The following FREM1 variants were observed in gnomAD, a reference collection of about 807,000 sequenced individuals.
FREM1 encodes FRAS1 related extracellular matrix 1, also known as FRAS1-related extracellular matrix protein 1.
Under a neutral mutation model 210.1 loss-of-function variants are expected in FREM1, and 220 were observed. That is an observed-to-expected ratio of 1.05 (90% CI 0.94 to 1.17). The LOEUF is 1.17. FREM1 is among the 50% of genes most tolerant of loss of function. The pLI is 0.00. For synonymous variants in FREM1, 1,189 were observed against 980.2 expected (o/e 1.21, Z -3.98); for missense variants, 3,454 against 2,675.5 (o/e 1.29, Z -6.42).
chr9:14,903,352 A>G lies in FREM1; in HGVS notation c.-268+6562T>C, dbSNP rs373845262. ...ATGACTGATGAGGAAAGCAAAAGGCATGTGTCTATAATTTGAAATGGATGG... is the reference window on the plus strand; with the variant it reads ...ATGACTGATGAGGAAAGCAAAAGGCGTGTGTCTATAATTTGAAATGGATGG... On this transcript the variant is annotated intron_variant, in intron 1 of 36. Coordinates refer to ENST00000380880, the MANE Select transcript of FREM1 (RefSeq NM_001379081.2). 7.9e-5 allele frequency among the ~76,000 whole-genome samples: 12 copies of G among 152,362 alleles called. No individual in the cohort carries two copies. The East Asian group carries it at 1.2e-3, about 15-fold the overall frequency.
In FREM1 at chr9:14,860,796, TACAC is replaced by T. The variant is rs1156951021; in HGVS notation, c.330-1316_330-1313del. On this transcript the variant is annotated intron_variant, in intron 3 of 36. Coordinates refer to ENST00000380880, the MANE Select transcript of FREM1 (RefSeq NM_001379081.2). ...ACACATATATACATATATACATATA[TACAC>T]ATATATACATATATACACATATATA... Among the ~76,000 whole-genome samples, 13 of 127,016 alleles carry T rather than the reference TACAC, an allele frequency of 1.0e-4. No individual in the cohort carries two copies. In the East Asian group the frequency reaches 2.8e-3, roughly 27 times the overall value. 83.3% of individuals were successfully genotyped at this position (127,016 alleles called of 152,430 possible).
intron 15 of FREM1, among the ~76,000 whole-genome samples, chr9:14,814,446 C>G (rs556900383): frequency 9.9e-5 from 15 of 152,166 alleles, no homozygotes; most frequent in African/African-American, 3.6e-4. Context: ...GTATATGTGT[C>G]CTGACTACCT....
intron 1 of FREM1, among the ~76,000 whole-genome samples, chr9:14,898,296 T>C (rs1314070631): frequency 6.6e-6 from 1 of 152,226 alleles, no homozygotes; most frequent in Non-Finnish European, 1.5e-5. Flanking sequence ...TAAATCAAAG[T>C]TGCCAGCACA....
chr9:14,788,571 T>G (rs1850772475), intron 23 of FREM1, among the ~76,000 whole-genome samples: 1 of 152,238 alleles, frequency 6.6e-6, no homozygotes, highest in South Asian at 2.1e-4. Context: ...GATAGATCAC[T>G]TCCTGAAGAT....
chr9:14,766,354 G>T (rs1456176949), intron 27 of FREM1, among the ~76,000 whole-genome samples: 1 of 152,076 alleles, frequency 6.6e-6, no homozygotes, highest in Non-Finnish European at 1.5e-5. Context: ...TTGGTTCCCT[G>T]AGCTATTCTG....
chr9:14,858,742 T>C (rs1454324413), intron 4 of FREM1, among the ~76,000 whole-genome samples: 1 of 152,182 alleles, frequency 6.6e-6, no homozygotes, highest in Middle Eastern at 3.2e-3. Flanking sequence ...CTATCACTGC[T>C]ACCCACTAGC....
At chr9:14,894,791 T>C (rs1350635538) in intron 1 of FREM1, among the ~76,000 whole-genome samples, 6 of 152,254 alleles carry the variant, frequency 3.9e-5, no homozygotes, top group Admixed American at 3.9e-4. Context: ...TAGTTGTGAG[T>C]ATTCTTAACT....
At chr9:14,847,667 A>G (rs571052745) in intron 7 of FREM1, among the ~76,000 whole-genome samples, 6 of 152,322 alleles carry the variant, frequency 3.9e-5, no homozygotes, top group East Asian at 1.9e-4. Flanking sequence ...CCAAATTTCA[A>G]CGATGGCACA....
chr9:14,901,993 G>A (rs960388485), intron 1 of FREM1, among the ~76,000 whole-genome samples: 3 of 151,190 alleles, frequency 2.0e-5, no homozygotes, highest in African/African-American at 7.3e-5. Context: ...GGGACTACAG[G>A]CATCTGTCGC....
intron 24 of FREM1, among the ~76,000 whole-genome samples, chr9:14,776,862 C>T (rs187894773): frequency 5.3e-5 from 8 of 152,232 alleles, no homozygotes; most frequent in Admixed American, 3.3e-4. Flanking sequence ...TAAAATATGA[C>T]GGGAGGCTCT....
At chr9:14,783,106 CA>C (rs1442895109) in intron 24 of FREM1, among the ~76,000 whole-genome samples, 2 of 152,132 alleles carry the variant, frequency 1.3e-5, no homozygotes, top group South Asian at 2.1e-4. Context: ...GGACACTTAT[CA>C]AGAGAAAAAA....
intron 10 of FREM1, among the ~76,000 whole-genome samples, chr9:14,826,098 C>CTCTTTT (rs34939930): frequency 1.5e-5 from 2 of 135,536 alleles, no homozygotes; most frequent in African/African-American, 5.6e-5. Flanking sequence ...CTTTCTCAAC[C>CTCTTTT]TTTTTTTTTT....
rs112071417 is a variant in FREM1, at chr9:14,747,735, T to C, written c.5797-7A>G. 7 of 1,529,688 alleles carry C rather than the reference T, an allele frequency of 4.6e-6. No individual in the cohort carries two copies. Among genetic ancestry groups the C allele is most frequent in the East Asian group, 2.4e-5 (1 of 41,106 alleles). 94.8% of individuals were successfully genotyped at this position (1,529,688 alleles called of 1,614,324 possible). ...AAACAGAGGATGGACGAACCTGAAA[T>C]TGACAGAGAACAAAATATGAACAGA... is the stretch of plus-strand genomic sequence containing the variant. On this transcript the variant is annotated splice_region_variant and splice_polypyrimidine_tract_variant and intron_variant, in intron 31 of 36. Coordinates refer to ENST00000380880, the MANE Select transcript of FREM1 (RefSeq NM_001379081.2).
Position 14,789,100 on chromosome 9 carries a change from C to G in FREM1, c.3996G>C (p.Trp1332Cys). 1 of 1,589,346 alleles carries G rather than the reference C, an allele frequency of 6.3e-7. No individual in the cohort carries two copies. The highest frequency in any genetic ancestry group is 8.6e-7 in the Non-Finnish European group (1 of 1,166,866). The change falls in exon 23 of 37, where the codon TGG (tryptophan) becomes TGC (cysteine). Residue 1332 changes from tryptophan (W) to cysteine (C), a missense_variant. By Grantham distance (215) the Trp-to-Cys change is radical. Transcript: ENST00000380880. ...GQLQLKIGRD[W>C]VPLSPGMKCT... ...ATTTCATGCCAGGGGAGAGAGGAAC[C>G]CAGTCCCTCCCTATCTGGAAGGAGC...
rs7864052 is a variant in FREM1, at chr9:14,757,879, A to T, written c.5335-1433T>A. 5.3e-5 allele frequency among the ~76,000 whole-genome samples: 8 copies of T among 152,066 alleles called. No homozygotes were observed. The South Asian group carries it at 1.5e-3, about 28-fold the overall frequency. Reference sequence around the variant, plus strand: ...CATTTGCTCTTTGTCTACAATGCCAAGGCTCCTCTGGAACCACCTTTCATT... The same window carrying T: ...CATTTGCTCTTTGTCTACAATGCCATGGCTCCTCTGGAACCACCTTTCATT... On this transcript the variant is annotated intron_variant, in intron 28 of 36. Transcript: ENST00000380880.
At chr9:14,884,528 C>T (rs768741502) in intron 1 of FREM1, among the ~76,000 whole-genome samples, 1 of 152,140 alleles carries the variant, frequency 6.6e-6, no homozygotes. Flanking sequence ...ATTTCTTCAA[C>T]CAAACTTTTT....
chr9:14,838,895 G>A (rs1417575261), intron 10 of FREM1, among the ~76,000 whole-genome samples: 1 of 152,156 alleles, frequency 6.6e-6, no homozygotes, highest in Non-Finnish European at 1.5e-5. Context: ...CTGAGGGTTT[G>A]TGGAATGGGG....
intron 1 of FREM1, among the ~76,000 whole-genome samples, chr9:14,901,397 C>T (rs558429956): frequency 2.8e-4 from 42 of 152,228 alleles, no homozygotes; most frequent in African/African-American, 9.4e-4. Flanking sequence ...AAACAATGGC[C>T]CTTATCCCAT....
intron 15 of FREM1, among the ~76,000 whole-genome samples, chr9:14,813,780 C>A (rs1158675110): frequency 6.6e-6 from 1 of 152,186 alleles, no homozygotes; most frequent in Admixed American, 6.5e-5. Context: ...GTGAGGACAA[C>A]CCCCCTCTGA....
Sources: gnomAD v4.1 joint callset for allele counts (sites outside exome capture counted in the v4.1 genomes callset) on GRCh38, gnomAD v4.1.1 for gene constraint, MANE v1.5 for transcripts, NCBI Gene and HGNC (gene_info 2026-07-23, HGNC 2026-07-21) for gene names.